MTRF1: variants seen among roughly 807,000 people sequenced by gnomAD.
The protein encoded by MTRF1 is mitochondrial translation release factor 1, also known as peptide chain release factor 1, mitochondrial.
Under a neutral mutation model 62.9 loss-of-function variants are expected in MTRF1, and 51 were observed. That is an observed-to-expected ratio of 0.81 (90% confidence interval 0.65 to 1.02). The LOEUF (loss-of-function observed/expected upper bound fraction) is 1.02. Ranked by LOEUF, MTRF1 falls within the 50% of genes least tolerant of loss-of-function variation. The probability of loss-of-function intolerance (pLI) is 0.00; values close to 1 mark genes in which losing one functional copy is unlikely to be tolerated. For synonymous variants in MTRF1, 158 were observed against 181.9 expected (o/e 0.87, Z 1.06); for missense variants, 446 against 530.0 (o/e 0.84, Z 1.56).
At chr13:41,234,366 A>G (rs2036114884) in intron 6 of MTRF1, among the ~76,000 whole-genome samples, 1 of 152,122 alleles carries the variant, frequency 6.6e-6, no homozygotes, top group Non-Finnish European at 1.5e-5. Context: ...TCTTGTACAG[A>G]TGGGGTCTTG....
the MTRF1 span, among the ~76,000 whole-genome samples, chr13:41,311,779 G>T: frequency 2.6e-3 from 394 of 152,318 alleles, no homozygotes; most frequent in Non-Finnish European, 4.6e-3. Context: ...TCCTCCGTGC[G>T]CTTCCTTTCC....
At chr13:41,265,955 T>C (rs1167089688), upstream of MTRF1, among the ~76,000 whole-genome samples, 1 of 151,888 alleles carries the variant, frequency 6.6e-6, no homozygotes, top group Non-Finnish European at 1.5e-5. Context: ...ATTCAAGCAA[T>C]TCTCCTGCCT....
the MTRF1 span, among the ~76,000 whole-genome samples, chr13:41,300,459 G>A: frequency 6.6e-6 from 1 of 151,906 alleles, no homozygotes. Flanking sequence ...GGTGGTGGGC[G>A]CCTGTAGTCC....
At chr13:41,259,720 A>C in intron 2 of MTRF1, among the ~76,000 whole-genome samples, 1 of 150,016 alleles carries the variant, frequency 6.7e-6, no homozygotes, top group East Asian at 1.9e-4. Flanking sequence ...AAAAAAAAAA[A>C]ACATAAAAAT....
At chr13:41,281,954 G>T in the MTRF1 span, among the ~76,000 whole-genome samples, 5 of 151,928 alleles carry the variant, frequency 3.3e-5, no homozygotes, top group Non-Finnish European at 7.4e-5. Context: ...GGCTAACATG[G>T]TGAAACCCCG....
chr13:41,280,178 G>A, the MTRF1 span, among the ~76,000 whole-genome samples: 1 of 152,002 alleles, frequency 6.6e-6, no homozygotes, highest in African/African-American at 2.4e-5. Flanking sequence ...CTTGTGATCC[G>A]CCCACCCTGG....
the MTRF1 span, among the ~76,000 whole-genome samples, chr13:41,305,302 C>A: frequency 2.6e-5 from 4 of 152,174 alleles, no homozygotes; most frequent in Non-Finnish European, 4.4e-5. Flanking sequence ...AAGTGATCCT[C>A]CTGCCTTGGC....
chr13:41,224,091 T>G (rs973399403), intron 8 of MTRF1, among the ~76,000 whole-genome samples: 1 of 152,170 alleles, frequency 6.6e-6, no homozygotes, highest in Admixed American at 6.5e-5. Flanking sequence ...TACGTTAATC[T>G]CCATAATGCC....
intron 5 of MTRF1, among the ~76,000 whole-genome samples, chr13:41,251,043 A>T (rs1015080143): frequency 9.2e-5 from 14 of 152,168 alleles, no homozygotes; most frequent in Non-Finnish European, 1.8e-4. Context: ...GTGGTCTTGG[A>T]TTAGTTACTT....
chr13:41,239,279 T>C (rs959095148), intron 6 of MTRF1, among the ~76,000 whole-genome samples: 1 of 152,064 alleles, frequency 6.6e-6, no homozygotes, highest in African/African-American at 2.4e-5. Flanking sequence ...TGGGGGCTGA[T>C]TAGGGAAACT....
At chr13:41,226,185 A>G (rs1422698962) in intron 8 of MTRF1, among the ~76,000 whole-genome samples, 1 of 152,218 alleles carries the variant, frequency 6.6e-6, no homozygotes, top group Non-Finnish European at 1.5e-5. Flanking sequence ...TATAAACACA[A>G]GAGGGAAACA....
chr13:41,270,954 G>T, the MTRF1 span, among the ~76,000 whole-genome samples: 2 of 151,836 alleles, frequency 1.3e-5, no homozygotes, highest in Admixed American at 6.6e-5. Context: ...GGCCAGGCTG[G>T]TCTCGAACTC....
At chr13:41,219,084 A>T (rs893766015) in intron 9 of MTRF1, among the ~76,000 whole-genome samples, 2 of 152,166 alleles carry the variant, frequency 1.3e-5, no homozygotes, top group African/African-American at 4.8e-5. Context: ...TGAGGTCAGG[A>T]GATTGAGACC....
At chr13:41,304,843 G>A in the MTRF1 span, among the ~76,000 whole-genome samples, 1 of 152,202 alleles carries the variant, frequency 6.6e-6, no homozygotes, top group Non-Finnish European at 1.5e-5. Context: ...GGAACTCAGA[G>A]TACATGTGTG....
chr13:41,224,685 G>C (rs75996217), intron 8 of MTRF1, among the ~76,000 whole-genome samples: 1 of 152,174 alleles, frequency 6.6e-6, no homozygotes, highest in Non-Finnish European at 1.5e-5. Context: ...CTTGTTAGGT[G>C]ATCAGTGGAA....
At chr13:41,230,407 T>C (rs921523292) in intron 7 of MTRF1, among the ~76,000 whole-genome samples, 1 of 150,646 alleles carries the variant, frequency 6.6e-6, no homozygotes, top group Non-Finnish European at 1.5e-5. Context: ...TGGGATTACA[T>C]GCATGCGCCA....
intron 9 of MTRF1, 126 bp downstream of exon 9, chr13:41,223,130 G>T: frequency 1.7e-6 from 1 of 583,640 alleles, no homozygotes; most frequent in Non-Finnish European, 2.8e-6. Flanking sequence ...TTTTAGGGTG[G>T]CTTAATGATT....
upstream of MTRF1, among the ~76,000 whole-genome samples, chr13:41,266,599 A>G (rs1341690122): frequency 6.6e-6 from 1 of 152,216 alleles, no homozygotes; most frequent in African/African-American, 2.4e-5. Flanking sequence ...ACAGAGCAAC[A>G]TGCTATCTCA....
At chr13:41,309,325 G>A in the MTRF1 span, among the ~76,000 whole-genome samples, 5 of 143,960 alleles carry the variant, frequency 3.5e-5, no homozygotes, top group Admixed American at 7.1e-5. Flanking sequence ...ACAGGCACTC[G>A]CCACTATGCC....
Sources: allele counts gnomAD v4.1 joint callset (sites outside exome capture counted in the v4.1 genomes callset), GRCh38; gene constraint gnomAD v4.1.1; transcripts MANE v1.5; gene names NCBI Gene and HGNC (gene_info 2026-07-23, HGNC 2026-07-21).